RAF1: variants seen among roughly 807,000 people sequenced by gnomAD.
The protein encoded by RAF1 is Raf-1 proto-oncogene, serine/threonine kinase, also known as RAF proto-oncogene serine/threonine-protein kinase.
In RAF1, 27 loss-of-function variants were observed where a neutral mutation model predicts 81.1. That is an observed-to-expected ratio of 0.33 (90% CI 0.25 to 0.46). The LOEUF (loss-of-function observed/expected upper bound fraction) is 0.46. Among genes scored for constraint, RAF1 ranks in the 20% least tolerant of loss-of-function variants. RAF1 has a pLI of 1.00. For missense variants in RAF1, 598 were observed against 826.0 expected (o/e 0.72, Z 3.38); for synonymous variants, 298 against 294.0 (o/e 1.01, Z -0.14).
At chr3:12,608,315 AACT>A (rs1559432417) in intron 5 of RAF1, 1 of 158,610 alleles carries the variant, frequency 6.3e-6, no homozygotes, top group Non-Finnish European at 1.4e-5. Flanking sequence ...AAGTCCAAAC[AACT>A]AAGTTTTCTC....
At chr3:12,595,858 G>A (rs2058669573) in intron 11 of RAF1, among the ~76,000 whole-genome samples, 1 of 149,870 alleles carries the variant, frequency 6.7e-6, no homozygotes, top group East Asian at 1.9e-4. Context: ...GTCTCCACTA[G>A]AATATAAACT....
At chr3:12,637,876 G>T (rs904288551) in intron 1 of RAF1, among the ~76,000 whole-genome samples, 1 of 151,852 alleles carries the variant, frequency 6.6e-6, no homozygotes, top group Non-Finnish European at 1.5e-5. Context: ...ACACAAATTT[G>T]GACATATTAT....
chr3:12,642,105 G>A (rs1291794474), intron 1 of RAF1, among the ~76,000 whole-genome samples: 3 of 151,904 alleles, frequency 2.0e-5, no homozygotes, highest in African/African-American at 7.3e-5. Context: ...CCCAGATCGT[G>A]CCATTGCACT....
intron 1 of RAF1, among the ~76,000 whole-genome samples, chr3:12,635,699 C>T (rs952979981): frequency 3.2e-4 from 47 of 147,942 alleles, no homozygotes; most frequent in Non-Finnish European, 3.3e-4. Context: ...TTAGGCTGGG[C>T]GCGGTGGCTC....
chr3:12,655,008 C>CCG (rs1047401107), intron 1 of RAF1, among the ~76,000 whole-genome samples: 16 of 149,400 alleles, frequency 1.1e-4, no homozygotes, highest in East Asian at 4.2e-4. Flanking sequence ...AGACCCCCCC[C>CCG]CCGCCATCTC....
Position 12,600,368 on chromosome 3 carries a change from A to G in RAF1, c.922+20T>C, listed in dbSNP as rs917567744. On this transcript the variant is annotated intron_variant, in intron 9 of 17. Coordinates refer to ENST00000442415, the MANE Select transcript of RAF1 (RefSeq NM_001354689.3). The stretch of plus-strand genomic sequence containing the variant: ...GAAAAAAAGCCCATTATTGTTGGCT[A>G]AATGACTATGGAAAAGTACCTGATT... 3 of 1,614,226 alleles carry G rather than the reference A, an allele frequency of 1.9e-6. No homozygotes were observed. Among genetic ancestry groups the G allele is most frequent in the South Asian group, 2.2e-5 (2 of 91,078 alleles).
At chr3:12,588,018 G>C (rs1476709991) in intron 13 of RAF1, 1 of 136,564 alleles carries the variant, frequency 7.3e-6, no homozygotes, top group Non-Finnish European at 1.5e-5. Flanking sequence ...TGTTGCCCAA[G>C]CTGGTCTTGA....
chr3:12,654,274 C>T (rs1052190345), intron 1 of RAF1, among the ~76,000 whole-genome samples: 1 of 151,824 alleles, frequency 6.6e-6, no homozygotes, highest in Non-Finnish European at 1.5e-5. Flanking sequence ...AGGCATGAGC[C>T]ACAGAGGCTG....
chr3:12,636,443 T>A (rs7645487), intron 1 of RAF1, among the ~76,000 whole-genome samples: 37 of 141,790 alleles, frequency 2.6e-4, no homozygotes, highest in African/African-American at 7.1e-4. Flanking sequence ...TGTATATCTT[T>A]AAAAAAAAAA....
rs552054715 is a variant in RAF1 at position 12,616,600 on chromosome 3, G to A, written c.207+1915C>T. 1.3e-5 allele frequency among the ~76,000 whole-genome samples: 2 copies of A among 152,198 alleles called. 1 individual carries two copies. The highest frequency in any genetic ancestry group is 4.1e-4 in the South Asian group (2 of 4,828). On this transcript the variant is annotated intron_variant, in intron 2 of 17. Transcript: ENST00000442415. ...TGCCTTCAGTTCAAAATGCACCTAAGTATTCAACACTACACTTGGGAGGCT... is the reference window on the plus strand; with the variant it reads ...TGCCTTCAGTTCAAAATGCACCTAAATATTCAACACTACACTTGGGAGGCT...
At chr3:12,599,333 C>T in intron 11 of RAF1, 1 of 245,034 alleles carries the variant, frequency 4.1e-6, no homozygotes, top group African/African-American at 2.2e-5. Context: ...AGGTCCTTTC[C>T]AGCTTAAAGT....
intron 2 of RAF1, among the ~76,000 whole-genome samples, chr3:12,612,833 T>G (rs572137030): frequency 6.6e-6 from 1 of 152,190 alleles, no homozygotes; most frequent in Non-Finnish European, 1.5e-5. Flanking sequence ...TACACATATA[T>G]GTTCACTAGA....
At chr3:12,594,207 G>T (rs1532533) in intron 11 of RAF1, among the ~76,000 whole-genome samples, 1 of 151,784 alleles carries the variant, frequency 6.6e-6, no homozygotes, top group Non-Finnish European at 1.5e-5. Context: ...AGGGATGAAG[G>T]TAAGAAATCC....
At chr3:12,637,608 G>A (rs746649288) in intron 1 of RAF1, among the ~76,000 whole-genome samples, 37 of 151,886 alleles carry the variant, frequency 2.4e-4, no homozygotes, top group Non-Finnish European at 3.8e-4. Context: ...ACAGTGGCTC[G>A]CAGGAGGCTG....
chr3:12,586,434 AAAAC>A (rs1173119129), intron 14 of RAF1, among the ~76,000 whole-genome samples: 6 of 152,238 alleles, frequency 3.9e-5, no homozygotes, highest in Admixed American at 2.6e-4. Context: ...AAAAAATTAA[AAAAC>A]AAAACACACA....
chr3:12,591,031 C>A (rs991611263), intron 12 of RAF1, 57 bp from the exon 12 acceptor site: 2 of 1,490,286 alleles, frequency 1.3e-6, no homozygotes, highest in Non-Finnish European at 9.2e-7. Context: ...GGGAGGTCTA[C>A]TGTGCTTTCC....
intron 1 of RAF1, among the ~76,000 whole-genome samples, chr3:12,662,314 C>A (rs1205111559): frequency 7.9e-6 from 1 of 125,804 alleles, no homozygotes; most frequent in Non-Finnish European, 1.6e-5. Flanking sequence ...CTAGCCTGGG[C>A]GACAGAGTGA....
intron 1 of RAF1, among the ~76,000 whole-genome samples, chr3:12,623,273 T>G (rs149390312): frequency 1.9e-4 from 29 of 152,312 alleles, no homozygotes; most frequent in African/African-American, 6.7e-4. Context: ...AATCCACTGA[T>G]AAGACTAAAA....
intron 8 of RAF1, among the ~76,000 whole-genome samples, chr3:12,602,421 A>T (rs889440539): frequency 1.3e-5 from 2 of 152,216 alleles, no homozygotes; most frequent in South Asian, 2.1e-4. Context: ...AATCATACAC[A>T]GCTCACTACA....
Sources: allele counts gnomAD v4.1 joint callset (sites outside exome capture counted in the v4.1 genomes callset), GRCh38; gene constraint gnomAD v4.1.1; transcripts MANE v1.5; gene names NCBI Gene and HGNC (gene_info 2026-07-23, HGNC 2026-07-21).